SRC: variants seen among roughly 807,000 people sequenced by gnomAD.
The protein encoded by SRC is SRC proto-oncogene, non-receptor tyrosine kinase, also known as proto-oncogene tyrosine-protein kinase Src.
A neutral mutation model predicts 62.9 loss-of-function variants in SRC; 13 were observed. That is an observed-to-expected ratio of 0.21 (90% CI 0.13 to 0.33). SRC has a LOEUF of 0.33. Among genes scored for constraint, SRC ranks in the 10% least tolerant of loss-of-function variants. The pLI is 1.00. For missense variants in SRC, 457 were observed against 737.3 expected (o/e 0.62, Z 4.40); for synonymous variants, 302 against 317.5 (o/e 0.95, Z 0.52).
intron 2 of SRC, among the ~76,000 whole-genome samples, chr20:37,379,007 G>A (rs2070319363): frequency 6.6e-6 from 1 of 151,898 alleles, no homozygotes; most frequent in African/African-American, 2.4e-5. Context: ...AGTCAGTGAT[G>A]GGGATGGGGG....
At chr20:37,388,723 G>T in intron 5 of SRC, among the ~76,000 whole-genome samples, 1 of 152,090 alleles carries the variant, frequency 6.6e-6, no homozygotes, top group South Asian at 2.1e-4. Flanking sequence ...CTCCAGCCTG[G>T]GTGACAGAGC....
chr20:37,386,559 C>A (rs2070458952), intron 5 of SRC: 5 of 699,940 alleles, frequency 7.1e-6, no homozygotes, highest in Admixed American at 4.0e-5. Context: ...TGCTTCCACT[C>A]CCTGCCTGTG....
rs559060103 is a variant in SRC, at chr20:37,394,249, C to T, written c.525C>T (p.Phe175=). Residue 175 remains phenylalanine, a synonymous_variant, in exon 7 of 14, where the codon TTC becomes TTT. Coordinates refer to ENST00000373578, the MANE Select transcript of SRC (RefSeq NM_198291.3). ...ATGCAGAGAACCCGAGAGGGACCTTCCTCGTGCGAGAAAGTGAGACCACGA... is the reference window on the plus strand; with the variant it reads ...ATGCAGAGAACCCGAGAGGGACCTTTCTCGTGCGAGAAAGTGAGACCACGA... ...LLNAENPRGT[F]LVRESETTKG... is the part of the protein sequence containing the mutation. 7.4e-6 allele frequency: 12 copies of T among 1,614,046 alleles called. No homozygotes were observed. The South Asian group carries it at 1.1e-4, about 15-fold the overall frequency.
rs1328591567 is a variant in SRC at position 37,385,983 on chromosome 20, C to A, written c.251-92C>A. Reference sequence around the variant, plus strand: ...GGGCTGAGCACTTGCGTGTGGGAGACAAATCCACTCCTCCTGGGTACAGGG... The same window carrying A: ...GGGCTGAGCACTTGCGTGTGGGAGAAAAATCCACTCCTCCTGGGTACAGGG... On this transcript the variant is annotated intron_variant, in intron 4 of 13. Coordinates refer to ENST00000373578, the MANE Select transcript of SRC (RefSeq NM_198291.3). The A allele has an allele frequency of 6.9e-6, 7 of 1,013,518 alleles. No individual in the cohort carries two copies. In the African/African-American group the frequency reaches 1.1e-4, roughly 16 times the overall value. The allele number at this position is 1,013,518 out of a possible 1,614,324, so 62.8% of individuals were successfully genotyped here. A position where few individuals can be genotyped will look rare whatever the true frequency, so the allele number is the denominator to read the frequency against.
intron 1 of SRC, among the ~76,000 whole-genome samples, chr20:37,361,688 TG>T (rs1181941515): frequency 2.0e-5 from 3 of 152,210 alleles, no homozygotes; most frequent in African/African-American, 7.2e-5. Flanking sequence ...CTCGGAAAGA[TG>T]ACCTACGGCT....
In SRC at chr20:37,393,769, C is replaced by T. The variant is rs1302286417; in HGVS notation, c.351-126C>T. ...CATGCTGTGGGGACTCACGCTGGCC[C>T]CACCACCTCCCTGGGCCTCCCTCAG... On this transcript the variant is annotated intron_variant, in intron 5 of 13. Transcript: ENST00000373578. 7 of 680,908 alleles carry T rather than the reference C, an allele frequency of 1.0e-5. 1 individual carries two copies. Among genetic ancestry groups the T allele is most frequent in the Admixed American group, 5.1e-5 (2 of 39,446 alleles). 42.2% of individuals were successfully genotyped at this position (680,908 alleles called of 1,614,324 possible). A position where few individuals can be genotyped will look rare whatever the true frequency, so the allele number is the denominator to read the frequency against.
In SRC at chr20:37,346,198, C is replaced by G. The variant is rs1462132454; in HGVS notation, c.-304C>G. On this transcript the variant is annotated 5_prime_UTR_variant, in exon 1 of 14. Coordinates refer to ENST00000373578, the MANE Select transcript of SRC (RefSeq NM_198291.3). ...CGTCTGCCCGTCCCGCTGGACGTCC[C>G]GCGGTCCGCCCTCCCGTGCGTCCGT... 1 of 151,580 alleles carries G rather than the reference C, an allele frequency of 6.6e-6. No individual in the cohort carries two copies. 9.4% of individuals were successfully genotyped at this position (151,580 alleles called of 1,614,324 possible). A position where few individuals can be genotyped will look rare whatever the true frequency, so the allele number is the denominator to read the frequency against.
In SRC at chr20:37,405,659, C is replaced by T. The variant is rs1200420970; in HGVS notation, c.*2280C>T. Reference sequence around the variant, plus strand: ...AGGACAAGGCACATCACAGGACTTCCCTGAGCATGACAAGTTCAGGACTCA... The same window carrying T: ...AGGACAAGGCACATCACAGGACTTCTCTGAGCATGACAAGTTCAGGACTCA... On this transcript the variant is annotated 3_prime_UTR_variant, in exon 14 of 14. Coordinates refer to ENST00000373578, the MANE Select transcript of SRC (RefSeq NM_198291.3). 6.2e-6 allele frequency: 1 copy of T among 160,436 alleles called. No homozygotes were observed. The highest frequency in any genetic ancestry group is 2.4e-5 in the African/African-American group (1 of 41,650). 9.9% of individuals were successfully genotyped at this position (160,436 alleles called of 1,614,324 possible). A position where few individuals can be genotyped will look rare whatever the true frequency, so the allele number is the denominator to read the frequency against.
intron 2 of SRC, among the ~76,000 whole-genome samples, chr20:37,372,805 A>G (rs2070186934): frequency 6.6e-6 from 1 of 152,108 alleles, no homozygotes; most frequent in South Asian, 2.1e-4. Flanking sequence ...TATACATGCT[A>G]AGAAAAAAAA....
At chr20:37,383,987 C>T (rs2070404850) in intron 3 of SRC, among the ~76,000 whole-genome samples, 163 bp from the exon 4 acceptor site, 1 of 151,994 alleles carries the variant, frequency 6.6e-6, no homozygotes, top group Admixed American at 6.5e-5. Context: ...CCGCCCGCTT[C>T]GGCCTCCCAA....
At chr20:37,357,636 G>C (rs553988374) in intron 1 of SRC, among the ~76,000 whole-genome samples, 1 of 152,332 alleles carries the variant, frequency 6.6e-6, no homozygotes, top group East Asian at 1.9e-4. Context: ...AGCTGTGGTC[G>C]GTCCATGCTA....
intron 1 of SRC, among the ~76,000 whole-genome samples, chr20:37,350,781 A>G (rs2069789969): frequency 6.6e-6 from 1 of 152,200 alleles, no homozygotes; most frequent in Non-Finnish European, 1.5e-5. Flanking sequence ...CCCCTGGCCT[A>G]GAGTGCTGTG....
upstream of SRC, chr20:37,344,852 G>C (rs1477113330): frequency 6.6e-6 from 1 of 152,298 alleles, no homozygotes; most frequent in Non-Finnish European, 1.5e-5. Context: ...ACCTTCCCAG[G>C]AATCTTCTGT....
At position 37,356,902 on chromosome 20, in the gene SRC, G is replaced by T. The variant is rs1047586646; in HGVS notation, c.-246-8302G>T. Among the ~76,000 whole-genome samples, 22 of 152,310 alleles carry T rather than the reference G, an allele frequency of 1.4e-4. 1 individual carries two copies. The highest frequency in any genetic ancestry group is 1.4e-3 in the Admixed American group (22 of 15,304). On this transcript the variant is annotated intron_variant, in intron 1 of 13. Transcript: ENST00000373578. ...GTTACCTGCTGGCTGGCAGACCTTG[G>T]CCTTTGAGAGCCTCAGTTTCCCCAT...
At chr20:37,386,975 G>T (rs1030188550) in intron 5 of SRC, among the ~76,000 whole-genome samples, 8 of 152,264 alleles carry the variant, frequency 5.3e-5, no homozygotes, top group African/African-American at 1.9e-4. Flanking sequence ...AGGGTCAAGG[G>T]CCTCGAAGGA....
intron 5 of SRC, among the ~76,000 whole-genome samples, chr20:37,389,520 T>G (rs927918074): frequency 2.0e-5 from 3 of 152,178 alleles, no homozygotes; most frequent in Non-Finnish European, 4.4e-5. Flanking sequence ...GACCATGTGC[T>G]CCAGGTCTTG....
intron 2 of SRC, among the ~76,000 whole-genome samples, chr20:37,368,998 A>G (rs548966666): frequency 2.3e-4 from 35 of 152,308 alleles, no homozygotes; most frequent in African/African-American, 8.2e-4. Context: ...CATAAAATCA[A>G]TTGACTGTCA....
chr20:37,380,913 T>C (rs1311100326), intron 2 of SRC, among the ~76,000 whole-genome samples: 1 of 152,116 alleles, frequency 6.6e-6, no homozygotes, highest in Non-Finnish European at 1.5e-5. Flanking sequence ...CTCTGAATGA[T>C]AAAAGTTACC....
chr20:37,397,863 T>C lies in SRC; in HGVS notation c.859+9T>C. The C allele has an allele frequency of 6.2e-7, 1 of 1,605,848 alleles. No homozygotes were observed. Among genetic ancestry groups the C allele is most frequent in the Non-Finnish European group, 8.5e-7 (1 of 1,177,640 alleles). On this transcript the variant is annotated intron_variant, in intron 9 of 13. Transcript: ENST00000373578. The surrounding 1 kb of genome is among the most constrained non-coding windows in gnomAD (Gnocchi z 4.1). ...TGGCGAGGTGTGGATGGGTAAGGCCTGGCCCCTGCCCTCGGGAGAGGCATC... is the reference window on the plus strand; with the variant it reads ...TGGCGAGGTGTGGATGGGTAAGGCCCGGCCCCTGCCCTCGGGAGAGGCATC...
Sources: allele counts gnomAD v4.1 joint callset (sites outside exome capture counted in the v4.1 genomes callset), GRCh38; gene constraint gnomAD v4.1.1; non-coding constraint Gnocchi (gnomAD v3.1); transcripts MANE v1.5; gene names NCBI Gene and HGNC (gene_info 2026-07-23, HGNC 2026-07-21).